The following TINCR variants were observed in gnomAD, a reference collection of about 807,000 sequenced individuals.
TINCR encodes TINCR-encoded ubiquitin-like protein.
chr19:5,558,658 T>C (rs1315973944), downstream of TINCR: 1 of 152,230 alleles, frequency 6.6e-6, no homozygotes, highest in Non-Finnish European at 1.5e-5. Flanking sequence ...GCCTGGAGCT[T>C]CCTCAAAGCA....
At chr19:5,567,379 A>T (rs2052136046) in intron 1 of TINCR, among the ~76,000 whole-genome samples, 1 of 152,126 alleles carries the variant, frequency 6.6e-6, no homozygotes, top group African/African-American at 2.4e-5. Flanking sequence ...CAGAGATGAG[A>T]GACAGAGACG....
chr19:5,559,583 C>T (rs1261968606), downstream of TINCR: 2 of 152,294 alleles, frequency 1.3e-5, no homozygotes, highest in East Asian at 1.9e-4. Flanking sequence ...GATCCGCCTG[C>T]CTCGTCCTCC....
At chr19:5,558,187 T>G (rs985318701), downstream of TINCR, 1 of 152,262 alleles carries the variant, frequency 6.6e-6, no homozygotes, top group Admixed American at 6.5e-5. Context: ...ACATGTAATC[T>G]TTTATTCAGT....
chr19:5,566,074 G>A (rs775976902), intron 1 of TINCR, among the ~76,000 whole-genome samples: 8 of 152,196 alleles, frequency 5.3e-5, no homozygotes, highest in Non-Finnish European at 1.0e-4. Flanking sequence ...CCTCTTTGGG[G>A]ACCCAGATAT....
chr19:5,559,364 T>C (rs1225252501), downstream of TINCR: 2 of 150,012 alleles, frequency 1.3e-5, no homozygotes, highest in Admixed American at 6.7e-5. Flanking sequence ...AGACGGAGTC[T>C]CGCTCTGTCG....
At chr19:5,567,596 T>A in intron 1 of TINCR, 69 bp downstream of exon 1, 1 of 370,648 alleles carries the variant, frequency 2.7e-6, no homozygotes, top group Non-Finnish European at 4.8e-6. Flanking sequence ...GGCGCCCGCC[T>A]CCCCCGCCGC....
rs1295581008 is a variant in TINCR at position 5,565,337 on chromosome 19, C to T, written c.260+2328G>A. Among the ~76,000 whole-genome samples, 7 of 152,168 alleles carry T rather than the reference C, an allele frequency of 4.6e-5. No homozygotes were observed. The highest frequency in any genetic ancestry group is 8.8e-5 in the Non-Finnish European group (6 of 68,024). ...GTCACCTTTCCGGAGAGGCGTCCCC[C>T]AGTCACTGATCCCTCTCCACCTTCC... On this transcript the variant is annotated intron_variant, in intron 1 of 1. Transcript: ENST00000646160. The surrounding 1 kb of genome is among the most constrained non-coding windows in gnomAD (Gnocchi z 4.0).
At chr19:5,566,091 G>A (rs967817594) in intron 1 of TINCR, among the ~76,000 whole-genome samples, 1 of 152,210 alleles carries the variant, frequency 6.6e-6, no homozygotes, top group Non-Finnish European at 1.5e-5. Context: ...ATATCCAAGT[G>A]TGAGTGTGGG....
downstream of TINCR, chr19:5,558,186 C>T (rs576382676): frequency 1.3e-5 from 2 of 152,340 alleles, no homozygotes; most frequent in Non-Finnish European, 2.9e-5. Context: ...AACATGTAAT[C>T]TTTTATTCAG....
chr19:5,567,635 G>GCCCCCCCCCCCCCCCCCCC, intron 1 of TINCR, 30 bp downstream of exon 1: 1 of 111,790 alleles, frequency 8.9e-6, no homozygotes. Context: ...CGCCGCCCCC[G>GCCCCCCCCCCCCCCCCCCC]CCCCACCCCA....
downstream of TINCR, chr19:5,558,974 A>G (rs1278125047): frequency 6.6e-6 from 1 of 152,302 alleles, no homozygotes; most frequent in Non-Finnish European, 1.5e-5. Context: ...AAGGGAAGGG[A>G]AGGGAAGACG....
intron 1 of TINCR, among the ~76,000 whole-genome samples, chr19:5,566,645 G>A (rs1167820806): frequency 6.6e-6 from 1 of 151,520 alleles, no homozygotes; most frequent in African/African-American, 2.4e-5. Flanking sequence ...GAGACAGAGA[G>A]ACAGGGAGAG....
exon 1 of TINCR, chr19:5,567,830 C>T: frequency 2.5e-6 from 1 of 394,128 alleles, no homozygotes; most frequent in Non-Finnish European, 4.5e-6. Flanking sequence ...GTCCCGCGGC[C>T]GCACGGTCAG....
At chr19:5,566,942 CAG>C (rs1010887918) in intron 1 of TINCR, among the ~76,000 whole-genome samples, 1 of 150,672 alleles carries the variant, frequency 6.6e-6, no homozygotes, top group Non-Finnish European at 1.5e-5. Context: ...GGCAGAGACA[CAG>C]AGTGACAGAG....
chr19:5,561,105 T>C (rs1256694348), downstream of TINCR: 1 of 154,072 alleles, frequency 6.5e-6, no homozygotes, highest in Non-Finnish European at 1.5e-5. Flanking sequence ...TGAGTGTCTC[T>C]CCTGCCCCTT....
intron 1 of TINCR, 99 bp downstream of exon 1, chr19:5,567,566 C>G (rs1324617743): frequency 5.4e-6 from 2 of 372,668 alleles, no homozygotes; most frequent in East Asian, 3.9e-5. Context: ...AAAGCAGTGC[C>G]GGCCCGGGAG....
In TINCR at chr19:5,567,914, AG is replaced by A. The variant is rs745779519; in HGVS notation, c.10del (p.Leu4CysfsTer26). ...CTTCCAGCGCGACAGCCCCCGCCGCAGCCCCTCCATGGCGCCCGCCCGGCTC... is the reference window on the plus strand; with the variant it reads ...CTTCCAGCGCGACAGCCCCCGCCGCACCCCTCCATGGCGCCCGCCCGGCTC... On this transcript the variant is annotated frameshift_variant, in exon 1 of 2. Coordinates refer to ENST00000646160, the Ensembl canonical transcript of TINCR. LOFTEE classifies it high-confidence loss of function. The A allele has an allele frequency of 4.9e-3, 1,910 of 386,882 alleles. 7 individuals carry two copies. The highest frequency in any genetic ancestry group is 8.5e-3 in the Middle Eastern group (13 of 1,524). The allele number at this position is 386,882 out of a possible 1,614,324, so 24.0% of individuals were successfully genotyped here. A position where few individuals can be genotyped will look rare whatever the true frequency, so the allele number is the denominator to read the frequency against.
At chr19:5,561,884 C>G (rs542661297), downstream of TINCR, 1 of 152,442 alleles carries the variant, frequency 6.6e-6, no homozygotes, top group South Asian at 2.1e-4. Flanking sequence ...CAACACGGCT[C>G]TGGTCCACGT....
downstream of TINCR, chr19:5,560,733 C>T (rs1165154216): frequency 6.6e-6 from 1 of 152,344 alleles, no homozygotes; most frequent in Non-Finnish European, 1.5e-5. This position sits in a 1 kb window ranked among gnomAD's most constrained non-coding sequence, Gnocchi z 4.5. Flanking sequence ...GGAAACAGCC[C>T]AGGGGGTGGG....
Sources: allele counts gnomAD v4.1 joint callset (sites outside exome capture counted in the v4.1 genomes callset), GRCh38; gene constraint gnomAD v4.1.1; non-coding constraint Gnocchi (gnomAD v3.1); transcripts MANE v1.5; gene names NCBI Gene and HGNC (gene_info 2026-07-23, HGNC 2026-07-21).